Variants in RARB observed in about 807,000 individuals in gnomAD.
The protein encoded by RARB is retinoic acid receptor beta.
In RARB, 17 loss-of-function variants were observed where a neutral mutation model predicts 51.9. The observed-to-expected ratio is 0.33, with a 90% confidence interval of 0.22 to 0.49. RARB has a LOEUF of 0.49. RARB is among the 20% of genes least tolerant of loss of function. RARB has a pLI of 0.99. For synonymous variants in RARB, 215 were observed against 195.4 expected, an observed-to-expected ratio of 1.10 and a Z score of -0.84; for missense variants, 369 against 550.8, an observed-to-expected ratio of 0.67 and a Z score of 3.30.
At chr3:25,382,937 G>A (rs1159899) in intron 5 of RARB, among the ~76,000 whole-genome samples, 122,317 of 152,082 alleles carry the variant, frequency 0.8, 49,752 homozygotes, top group East Asian at 0.99. Flanking sequence ...ACAGTAGATC[G>A]TGGGTCATAA....
At chr3:25,002,730 G>C (rs2125275742) in intron 2 of RARB, among the ~76,000 whole-genome samples, 1 of 132,036 alleles carries the variant, frequency 7.6e-6, no homozygotes, top group East Asian at 2.4e-4. Context: ...TGTCACATAT[G>C]TATATAAAAG....
chr3:25,525,987 G>A (rs539304772), intron 3 of RARB, among the ~76,000 whole-genome samples: 1 of 152,194 alleles, frequency 6.6e-6, no homozygotes, highest in Admixed American at 6.5e-5. Context: ...TCCTCTTGGC[G>A]TTTTCATTTA....
At chr3:24,931,406 G>A (rs138099976) in intron 2 of RARB, among the ~76,000 whole-genome samples, 13 of 151,836 alleles carry the variant, frequency 8.6e-5, no homozygotes, top group Non-Finnish European at 1.0e-4. Flanking sequence ...TTCCCCTTTA[G>A]CTAGGGTACA....
chr3:25,310,376 T>G (rs1387836536), intron 5 of RARB, among the ~76,000 whole-genome samples: 1 of 152,326 alleles, frequency 6.6e-6, no homozygotes, highest in East Asian at 1.9e-4. Context: ...AGGCACTCAT[T>G]CATTCAACAT....
At chr3:25,362,022 A>G (rs1464934292) in intron 5 of RARB, among the ~76,000 whole-genome samples, 4 of 152,200 alleles carry the variant, frequency 2.6e-5, no homozygotes, top group South Asian at 2.1e-4. Flanking sequence ...TGGGAGATCC[A>G]CTGCTCTCTT....
At chr3:25,353,379 T>C (rs1705635654) in intron 5 of RARB, among the ~76,000 whole-genome samples, 1 of 152,188 alleles carries the variant, frequency 6.6e-6, no homozygotes, top group African/African-American at 2.4e-5. Flanking sequence ...TTCATAATCA[T>C]GAATGAGTGA....
intron 2 of RARB, among the ~76,000 whole-genome samples, chr3:25,030,100 A>G (rs562419057): frequency 1.3e-5 from 2 of 152,356 alleles, no homozygotes; most frequent in African/African-American, 2.4e-5. Context: ...CAGGGTGATC[A>G]AGTAGATTGT....
At chr3:25,314,714 G>T (rs1167223937) in intron 5 of RARB, among the ~76,000 whole-genome samples, 4 of 151,680 alleles carry the variant, frequency 2.6e-5, no homozygotes, top group Non-Finnish European at 5.9e-5. Flanking sequence ...TTTTATTTTA[G>T]ACTCAGGTGG....
At chr3:25,412,623 A>G (rs1339414042) in intron 5 of RARB, among the ~76,000 whole-genome samples, 1 of 152,224 alleles carries the variant, frequency 6.6e-6, no homozygotes, top group African/African-American at 2.4e-5. Context: ...ACTTTTATTG[A>G]AATAAAACAT....
intron 5 of RARB, among the ~76,000 whole-genome samples, chr3:25,271,620 G>C (rs1703259801): frequency 1.3e-5 from 2 of 152,096 alleles, no homozygotes; most frequent in Admixed American, 1.3e-4. Context: ...CATAACTCTT[G>C]GGAGCATCTG....
chr3:25,550,785 T>C (rs1045523036), intron 3 of RARB, among the ~76,000 whole-genome samples: 2 of 152,150 alleles, frequency 1.3e-5, no homozygotes, highest in South Asian at 2.1e-4. Flanking sequence ...TTCCCCCTTC[T>C]GTGTCCATGT....
chr3:24,956,056 T>C (rs909876315), intron 2 of RARB, among the ~76,000 whole-genome samples: 5 of 152,110 alleles, frequency 3.3e-5, no homozygotes, highest in Non-Finnish European at 7.4e-5. Flanking sequence ...CCCTGATCTC[T>C]GAATTGAGGG....
chr3:24,830,866 T>C (rs1417398804), intron 1 of RARB, among the ~76,000 whole-genome samples: 2 of 152,128 alleles, frequency 1.3e-5, no homozygotes, highest in African/African-American at 4.8e-5. Context: ...GACGCAGATT[T>C]ATAAATTAAT....
Position 25,526,343 on chromosome 3 carries a change from C to A in RARB, c.448+25020C>A, listed in dbSNP as rs975423635. 1.3e-5 allele frequency among the ~76,000 whole-genome samples: 2 copies of A among 152,180 alleles called. 1 individual carries two copies. Among genetic ancestry groups the A allele is most frequent in the South Asian group, 4.1e-4 (2 of 4,826 alleles). On this transcript the variant is annotated intron_variant, in intron 3 of 7. Transcript: ENST00000330688. ...CACCTGAAGGAGTTTGATTTTTATT[C>A]TCAGTGCAGTGTAGCCCATTGATAA...
intron 2 of RARB, among the ~76,000 whole-genome samples, chr3:25,468,687 CAT>C (rs754590425): frequency 3.3e-5 from 5 of 152,226 alleles, no homozygotes; most frequent in Non-Finnish European, 5.9e-5. Context: ...TTTTAAAAAA[CAT>C]ATTGTCTTGA....
chr3:25,053,086 G>T (rs1225250371), intron 2 of RARB, among the ~76,000 whole-genome samples: 1 of 152,080 alleles, frequency 6.6e-6, no homozygotes, highest in Non-Finnish European at 1.5e-5. Flanking sequence ...GTATCCTTAA[G>T]GAAAGGGGAA....
chr3:25,104,636 T>A lies in RARB; in HGVS notation c.-327-27525T>A, dbSNP rs377542731. Among the ~76,000 whole-genome samples the A allele has an allele frequency of 1.1e-4, 16 of 152,050 alleles. 2 individuals are homozygous for A. Among genetic ancestry groups the A allele is most frequent in the African/African-American group, 3.9e-4 (16 of 41,446 alleles). On this transcript the variant is annotated intron_variant, in intron 3 of 11. Coordinates refer to the RARB transcript ENST00000383772. ...TCCAGCTTGGGTGACACAATGAGAC[T>A]CCATCACAAAAGAGAAAAGAAAAAA...
At chr3:25,208,025 G>A (rs1047695944) in intron 5 of RARB, among the ~76,000 whole-genome samples, 1 of 151,422 alleles carries the variant, frequency 6.6e-6, no homozygotes, top group African/African-American at 2.4e-5. Flanking sequence ...AGGGCAAGGG[G>A]GGGAGCAAAT....
chr3:24,983,010 AAT>A (rs1696710419), intron 2 of RARB, among the ~76,000 whole-genome samples: 1 of 152,204 alleles, frequency 6.6e-6, no homozygotes. Flanking sequence ...ACATATATTA[AAT>A]ATATATTGAC....
Sources: allele counts gnomAD v4.1 joint callset (sites outside exome capture counted in the v4.1 genomes callset), GRCh38; gene constraint gnomAD v4.1.1; transcripts MANE v1.5; gene names NCBI Gene and HGNC (gene_info 2026-07-23, HGNC 2026-07-21).